The following CDK14 variants were observed in gnomAD, a reference collection of about 807,000 sequenced individuals.
CDK14 encodes the protein cyclin-dependent kinase 14.
CDK14 carries 34 observed loss-of-function variants against 60.7 expected under a neutral mutation model. That is an observed-to-expected ratio of 0.56 (90% CI 0.43 to 0.75). The LOEUF (loss-of-function observed/expected upper bound fraction) is 0.75. Among genes scored for constraint, CDK14 ranks in the 30% least tolerant of loss-of-function variants. The pLI is 0.00. For synonymous variants in CDK14, 197 were observed against 203.7 expected, an observed-to-expected ratio of 0.97 and a Z score of 0.28; for missense variants, 482 against 564.1, an observed-to-expected ratio of 0.85 and a Z score of 1.47.
At chr7:90,751,407 A>G (rs1803840185) in intron 4 of CDK14, among the ~76,000 whole-genome samples, 1 of 152,206 alleles carries the variant, frequency 6.6e-6, no homozygotes, top group Non-Finnish European at 1.5e-5. Flanking sequence ...AGAATTTCAT[A>G]TCCCACCAAG....
chr7:90,801,309 A>T (rs1788623937), intron 5 of CDK14, among the ~76,000 whole-genome samples: 1 of 152,212 alleles, frequency 6.6e-6, no homozygotes, highest in Non-Finnish European at 1.5e-5. Flanking sequence ...ATGAATATAG[A>T]TAACTTTCTC....
intron 8 of CDK14, among the ~76,000 whole-genome samples, chr7:90,946,152 A>T (rs1794093335): frequency 6.6e-6 from 1 of 152,182 alleles, no homozygotes; most frequent in African/African-American, 2.4e-5. Context: ...GAAGATACAG[A>T]CTGTCTTAGA....
intron 5 of CDK14, among the ~76,000 whole-genome samples, chr7:90,798,519 A>T (rs1380593290): frequency 6.6e-6 from 1 of 152,142 alleles, no homozygotes; most frequent in Non-Finnish European, 1.5e-5. Flanking sequence ...CCTGAATTTG[A>T]ATTTGCCCCT....
chr7:91,004,241 A>G (rs1367692143), intron 10 of CDK14, among the ~76,000 whole-genome samples: 2 of 152,246 alleles, frequency 1.3e-5, no homozygotes, highest in Non-Finnish European at 2.9e-5. Context: ...TGAAATGATT[A>G]GTAAGTGTGA....
chr7:90,718,067 G>A (rs1013734776), intron 2 of CDK14, among the ~76,000 whole-genome samples: 1 of 151,832 alleles, frequency 6.6e-6, no homozygotes, highest in African/African-American at 2.4e-5. Flanking sequence ...GGTAGTGAGG[G>A]CATTTTTGGT....
chr7:91,005,713 G>T (rs1795964372), intron 10 of CDK14, among the ~76,000 whole-genome samples: 2 of 152,130 alleles, frequency 1.3e-5, no homozygotes, highest in Non-Finnish European at 2.9e-5. Context: ...GGATAAAATG[G>T]CACATTTTGG....
chr7:91,154,901 G>A (rs1448420979), intron 14 of CDK14, among the ~76,000 whole-genome samples: 1 of 152,184 alleles, frequency 6.6e-6, no homozygotes, highest in African/African-American at 2.4e-5. Flanking sequence ...AGGGAGATAA[G>A]TGAAAAAATG....
intron 2 of CDK14, among the ~76,000 whole-genome samples, chr7:90,700,510 A>G (rs1319198064): frequency 6.6e-6 from 1 of 152,162 alleles, no homozygotes; most frequent in Admixed American, 6.5e-5. Context: ...AAGAACCTTT[A>G]TTCATAAAGG....
intron 2 of CDK14, among the ~76,000 whole-genome samples, chr7:90,725,524 T>C (rs1278391584): frequency 6.6e-6 from 1 of 152,226 alleles, no homozygotes; most frequent in Non-Finnish European, 1.5e-5. Flanking sequence ...AAAAACTTCG[T>C]ATTTTTACCT....
chr7:91,025,936 TG>T (rs778808350), intron 10 of CDK14, among the ~76,000 whole-genome samples: 1 of 152,242 alleles, frequency 6.6e-6, no homozygotes, highest in Non-Finnish European at 1.5e-5. Context: ...CCTGTTGTGC[TG>T]TAAGCCTATT....
At chr7:91,059,172 A>C (rs898400324) in intron 11 of CDK14, among the ~76,000 whole-genome samples, 1 of 151,966 alleles carries the variant, frequency 6.6e-6, no homozygotes, top group South Asian at 2.1e-4. Flanking sequence ...TTTCTTCTAG[A>C]TTTTCTAATT....
intron 10 of CDK14, among the ~76,000 whole-genome samples, chr7:90,991,304 A>G (rs1475308635): frequency 1.3e-5 from 2 of 152,128 alleles, no homozygotes. Context: ...CATTCACCCA[A>G]AAGAGACAAT....
intron 12 of CDK14, among the ~76,000 whole-genome samples, chr7:91,104,943 A>C (rs947735522): frequency 3.3e-5 from 5 of 152,228 alleles, no homozygotes; most frequent in African/African-American, 1.2e-4. Flanking sequence ...AAGACTTAAA[A>C]ATTATAAGCA....
chr7:90,776,913 G>A (rs1468237334), intron 4 of CDK14, among the ~76,000 whole-genome samples: 1 of 145,762 alleles, frequency 6.9e-6, no homozygotes, highest in African/African-American at 2.8e-5. Flanking sequence ...GAAATGGTGT[G>A]ACATTCCCCT....
intron 5 of CDK14, among the ~76,000 whole-genome samples, chr7:90,838,831 C>T (rs185441668): frequency 6.2e-4 from 95 of 152,270 alleles, no homozygotes; most frequent in African/African-American, 2.2e-3. Flanking sequence ...AACATGGACC[C>T]TCATCAGTAA....
chr7:90,778,924 CTCTT>C (rs1805180428), intron 4 of CDK14, among the ~76,000 whole-genome samples: 1 of 145,292 alleles, frequency 6.9e-6, no homozygotes, highest in South Asian at 2.2e-4. Context: ...TCTCTTTTCT[CTCTT>C]TCTTTTCTTT....
chr7:91,182,370 G>GT (rs909763346), intron 14 of CDK14, among the ~76,000 whole-genome samples: 36 of 150,722 alleles, frequency 2.4e-4, no homozygotes, highest in South Asian at 4.2e-4. Flanking sequence ...AGATAGATAG[G>GT]TTTTTTTTTC....
chr7:91,071,104 A>G (rs185300036), intron 11 of CDK14, among the ~76,000 whole-genome samples: 2 of 152,354 alleles, frequency 1.3e-5, no homozygotes, highest in Admixed American at 1.3e-4. Context: ...CAGATAGTAA[A>G]GCCAAGAAGT....
intron 4 of CDK14, among the ~76,000 whole-genome samples, chr7:90,753,841 C>G (rs553923902): frequency 6.6e-6 from 1 of 152,226 alleles, no homozygotes; most frequent in Non-Finnish European, 1.5e-5. Flanking sequence ...CAGCAGCATT[C>G]AAGCTGAGAA....
Sources: gnomAD v4.1 joint callset for allele counts (sites outside exome capture counted in the v4.1 genomes callset) on GRCh38, gnomAD v4.1.1 for gene constraint, MANE v1.5 for transcripts, NCBI Gene and HGNC (gene_info 2026-07-23, HGNC 2026-07-21) for gene names.